The following CNTNAP4 variants were observed in gnomAD, a reference collection of about 807,000 sequenced individuals.
CNTNAP4 encodes the protein contactin-associated protein-like 4.
In CNTNAP4, 98 loss-of-function variants were observed where a neutral mutation model predicts 148.4. That is an observed-to-expected ratio of 0.66 (90% CI 0.56 to 0.78). The LOEUF (loss-of-function observed/expected upper bound fraction) is 0.78, where lower values mean the gene tolerates loss of function less well. Among genes scored for constraint, CNTNAP4 ranks in the 30% least tolerant of loss-of-function variants. The pLI, the probability that CNTNAP4 is intolerant of heterozygous loss-of-function variation, is 0.00. For missense variants in CNTNAP4, 1,935 were observed against 1,565.6 expected (o/e 1.24, Z -3.98); for synonymous variants, 730 against 565.1 (o/e 1.29, Z -4.14).
intron 4 of CNTNAP4, among the ~76,000 whole-genome samples, chr16:76,436,137 A>C (rs1164168527): frequency 6.6e-6 from 1 of 152,048 alleles, no homozygotes; most frequent in South Asian, 2.1e-4. Context: ...TCTCCTGGCA[A>C]CTGCCTCAGG....
chr16:76,477,511 T>G (rs1432326764), intron 11 of CNTNAP4, among the ~76,000 whole-genome samples: 1 of 152,172 alleles, frequency 6.6e-6, no homozygotes. Context: ...TCTGGGGGCC[T>G]GCACAGAGGA....
At chr16:76,550,034 G>A (rs549632187) in intron 21 of CNTNAP4, among the ~76,000 whole-genome samples, 342 of 152,234 alleles carry the variant, frequency 2.2e-3, no homozygotes, top group African/African-American at 8.1e-3. Context: ...AAAAATCACA[G>A]GGTATCTTAC....
chr16:76,450,843 A>G (rs892132753), intron 7 of CNTNAP4, among the ~76,000 whole-genome samples: 4 of 152,236 alleles, frequency 2.6e-5, no homozygotes, highest in Admixed American at 6.5e-5. Context: ...CAGTGGATCT[A>G]TATTAGGACT....
At chr16:76,373,550 A>T (rs150706518) in intron 3 of CNTNAP4, among the ~76,000 whole-genome samples, 1 of 152,308 alleles carries the variant, frequency 6.6e-6, no homozygotes, top group African/African-American at 2.4e-5. Flanking sequence ...TTTTAGGAAA[A>T]GATTCAAATG....
intron 2 of CNTNAP4, among the ~76,000 whole-genome samples, chr16:76,329,523 A>G (rs762147687): frequency 2.0e-5 from 3 of 152,210 alleles, no homozygotes; most frequent in Non-Finnish European, 4.4e-5. Context: ...CCATGAGAAA[A>G]GCCATAGAAA....
intron 16 of CNTNAP4, 104 bp from the exon 17 acceptor site, chr16:76,521,935 C>G (rs1327435135): frequency 4.0e-6 from 4 of 1,007,914 alleles, no homozygotes; most frequent in Non-Finnish European, 6.2e-6. Context: ...CGTTATCTTT[C>G]TGTTCAGCGA....
chr16:76,496,082 A>ATAT (rs1568401216), intron 14 of CNTNAP4, among the ~76,000 whole-genome samples: 1 of 44,594 alleles, frequency 2.2e-5, no homozygotes, highest in Non-Finnish European at 5.5e-5. Context: ...CATCAAGATT[A>ATAT]TGTTGTGTGT....
chr16:76,446,828 T>A (rs2080267176), intron 4 of CNTNAP4, among the ~76,000 whole-genome samples: 2 of 152,296 alleles, frequency 1.3e-5, no homozygotes, highest in Non-Finnish European at 1.5e-5. Flanking sequence ...ATAGACCTCG[T>A]TAACATACTG....
intron 9 of CNTNAP4, among the ~76,000 whole-genome samples, chr16:76,466,227 C>G (rs1457478414): frequency 2.6e-5 from 4 of 152,202 alleles, no homozygotes; most frequent in African/African-American, 9.6e-5. Flanking sequence ...ATAATGATCT[C>G]CAGTTCCATC....
chr16:76,365,259 G>T (rs1162802498), intron 3 of CNTNAP4, among the ~76,000 whole-genome samples: 1 of 152,144 alleles, frequency 6.6e-6, no homozygotes, highest in Non-Finnish European at 1.5e-5. Flanking sequence ...TCAGTACCAT[G>T]CTGTTTTTGT....
intron 9 of CNTNAP4, among the ~76,000 whole-genome samples, chr16:76,463,488 C>T (rs956828019): frequency 5.3e-5 from 8 of 152,192 alleles, no homozygotes; most frequent in African/African-American, 1.9e-4. Context: ...AAATATATCA[C>T]ACATGTACTC....
chr16:76,337,519 G>A (rs913063606), intron 2 of CNTNAP4, among the ~76,000 whole-genome samples: 2 of 152,078 alleles, frequency 1.3e-5, no homozygotes, highest in South Asian at 2.1e-4. Context: ...TGCTTCAGAG[G>A]GCAATAGAAG....
chr16:76,531,473 G>A (rs186290308), intron 17 of CNTNAP4, among the ~76,000 whole-genome samples: 79 of 152,278 alleles, frequency 5.2e-4, no homozygotes, highest in African/African-American at 1.9e-3. Context: ...ACACGGAAAG[G>A]TTGGGCATTT....
chr16:76,392,282 C>G (rs1347398122), intron 3 of CNTNAP4, among the ~76,000 whole-genome samples: 1 of 152,188 alleles, frequency 6.6e-6, no homozygotes, highest in East Asian at 1.9e-4. Flanking sequence ...GCATGAGCCA[C>G]TGTGCCTGGG....
intron 9 of CNTNAP4, among the ~76,000 whole-genome samples, chr16:76,467,102 A>G (rs956151627): frequency 6.6e-6 from 1 of 152,166 alleles, no homozygotes; most frequent in African/African-American, 2.4e-5. Flanking sequence ...TCAAATCTAG[A>G]TCAAGTTAAT....
At chr16:76,348,520 A>G (rs1405685448) in intron 2 of CNTNAP4, among the ~76,000 whole-genome samples, 1 of 152,174 alleles carries the variant, frequency 6.6e-6, no homozygotes, top group Non-Finnish European at 1.5e-5. Flanking sequence ...GAGATAAAAG[A>G]AGAAACCAGC....
chr16:76,381,329 G>A (rs2015943721), intron 3 of CNTNAP4, among the ~76,000 whole-genome samples: 1 of 152,116 alleles, frequency 6.6e-6, no homozygotes, highest in Non-Finnish European at 1.5e-5. Context: ...TCACACAGTA[G>A]CCTCCCAGTG....
chr16:76,305,814 C>G (rs772272427), intron 1 of CNTNAP4, among the ~76,000 whole-genome samples: 2 of 152,156 alleles, frequency 1.3e-5, no homozygotes, highest in Non-Finnish European at 1.5e-5. Context: ...CCCTCCCTTT[C>G]TCCCCACTCA....
chr16:76,295,934 C>T (rs978430810), intron 1 of CNTNAP4, among the ~76,000 whole-genome samples: 4 of 152,174 alleles, frequency 2.6e-5, no homozygotes, highest in Non-Finnish European at 5.9e-5. Flanking sequence ...TCTCCTGCCT[C>T]AGCCTCCCAA....
Sources: allele counts gnomAD v4.1 joint callset (sites outside exome capture counted in the v4.1 genomes callset), GRCh38; gene constraint gnomAD v4.1.1; transcripts MANE v1.5; gene names NCBI Gene and HGNC (gene_info 2026-07-23, HGNC 2026-07-21).